Variants in PMF1 observed in about 807,000 individuals in gnomAD.
PMF1 encodes the protein polyamine modulated factor 1, also known as polyamine-modulated factor 1.
A neutral mutation model predicts 26.7 loss-of-function variants in PMF1; 21 were observed. The ratio of observed to expected loss-of-function variants is 0.79; its 90% CI spans 0.56 to 1.13. The LOEUF is 1.13. Among genes scored for constraint, PMF1 ranks in the 50% most tolerant of loss-of-function variants. The pLI is 0.00. For synonymous variants in PMF1, 105 were observed against 101.0 expected, an observed-to-expected ratio of 1.04 and a Z score of -0.24; for missense variants, 266 against 254.9, an observed-to-expected ratio of 1.04 and a Z score of -0.30.
chr1:156,230,178 G>A (rs1658615058), intron 1 of PMF1, among the ~76,000 whole-genome samples: 1 of 151,312 alleles, frequency 6.6e-6, no homozygotes, highest in African/African-American at 2.5e-5. Context: ...CCAGTGGCCC[G>A]CCAGCCTGAT....
At chr1:156,229,576 G>GT (rs57035472) in intron 1 of PMF1, among the ~76,000 whole-genome samples, 7,515 of 147,088 alleles carry the variant, frequency 0.051, 596 homozygotes, top group African/African-American at 0.17. Flanking sequence ...TTTTGTTTTT[G>GT]TTTTTTTTTT....
chr1:156,239,468 C>A, intron 4 of PMF1, 80 bp from the exon 5 acceptor site: 1 of 1,139,278 alleles, frequency 8.8e-7, no homozygotes, highest in South Asian at 1.3e-5. Context: ...AAACCCCAGG[C>A]CTGGAGTCAG....
At chr1:156,219,957 C>T (rs916760026) in intron 1 of PMF1, among the ~76,000 whole-genome samples, 3 of 147,442 alleles carry the variant, frequency 2.0e-5, no homozygotes, top group South Asian at 2.2e-4. Flanking sequence ...GATATGTTGC[C>T]CATGCTGGTC....
chr1:156,224,883 AAAAGACC>A (rs1253388627), intron 1 of PMF1, among the ~76,000 whole-genome samples: 3 of 151,424 alleles, frequency 2.0e-5, no homozygotes, highest in Admixed American at 6.6e-5. Context: ...TGGAGAGAGA[AAAAGACC>A]AAATGGAGAA....
intron 1 of PMF1, among the ~76,000 whole-genome samples, chr1:156,224,148 T>C (rs1476161380): frequency 6.6e-6 from 1 of 152,212 alleles, no homozygotes; most frequent in African/African-American, 2.4e-5. Context: ...CCTAAAGATA[T>C]AATTAGGATT....
intron 1 of PMF1, among the ~76,000 whole-genome samples, chr1:156,230,867 C>T (rs183579383): frequency 1.7e-4 from 25 of 150,326 alleles, no homozygotes; most frequent in Admixed American, 1.6e-3. Flanking sequence ...TTTTTTGAGA[C>T]GAGTCTGGGC....
chr1:156,234,266 G>A (rs1397077428), intron 3 of PMF1, among the ~76,000 whole-genome samples: 1 of 151,968 alleles, frequency 6.6e-6, no homozygotes, highest in Non-Finnish European at 1.5e-5. Context: ...GTTGTTGAGG[G>A]GATTAGGGAG....
intron 1 of PMF1, among the ~76,000 whole-genome samples, chr1:156,222,634 G>A (rs1187651445): frequency 6.6e-6 from 1 of 150,986 alleles, no homozygotes; most frequent in African/African-American, 2.4e-5. Flanking sequence ...TGCCCGCCTC[G>A]GCCTCCCAAA....
intron 2 of PMF1, among the ~76,000 whole-genome samples, chr1:156,233,290 A>T (rs1029182081): frequency 1.3e-5 from 2 of 150,364 alleles, no homozygotes; most frequent in Non-Finnish European, 1.5e-5. Context: ...AGTAGCTGGG[A>T]TGACAGCTGA....
chr1:156,227,927 G>A (rs1558193515), intron 1 of PMF1, among the ~76,000 whole-genome samples: 1 of 145,170 alleles, frequency 6.9e-6, no homozygotes, highest in Non-Finnish European at 1.5e-5. Context: ...CACTGCACCT[G>A]ACTATGATTT....
intron 1 of PMF1, among the ~76,000 whole-genome samples, chr1:156,214,640 G>A (rs1657586718): frequency 6.6e-6 from 1 of 151,958 alleles, no homozygotes; most frequent in Non-Finnish European, 1.5e-5. Context: ...TGCTTTGGGA[G>A]GCTGAGGCAG....
At chr1:156,220,218 C>T (rs990076435) in intron 1 of PMF1, among the ~76,000 whole-genome samples, 1 of 152,096 alleles carries the variant, frequency 6.6e-6, no homozygotes, top group African/African-American at 2.4e-5. Flanking sequence ...TCTGCCTCGG[C>T]CTCCCAAAGT....
intron 3 of PMF1, among the ~76,000 whole-genome samples, chr1:156,234,823 G>A (rs1157354241): frequency 6.6e-6 from 1 of 151,940 alleles, no homozygotes; most frequent in Non-Finnish European, 1.5e-5. Context: ...TACTGTTTTA[G>A]ATGCCAGAAA....
chr1:156,217,063 T>C (rs1331672163), intron 1 of PMF1, among the ~76,000 whole-genome samples: 3 of 149,970 alleles, frequency 2.0e-5, no homozygotes, highest in Non-Finnish European at 4.4e-5. Context: ...AAGGGGAATA[T>C]CACACTCTGG....
chr1:156,214,992 C>T (rs930447842), intron 1 of PMF1, among the ~76,000 whole-genome samples: 3 of 151,826 alleles, frequency 2.0e-5, no homozygotes, highest in Non-Finnish European at 4.4e-5. Context: ...ATTCTCCTCC[C>T]TCAGCCTCCC....
chr1:156,232,515 AC>A (rs1419016151), intron 2 of PMF1, 90 bp downstream of exon 2: 22 of 1,239,576 alleles, frequency 1.8e-5, no homozygotes, highest in Non-Finnish European at 2.4e-5. Context: ...CACCCTCTAC[AC>A]CTCTGTCTCC....
chr1:156,233,526 C>A, intron 2 of PMF1, 102 bp from the exon 3 acceptor site: 1 of 1,189,126 alleles, frequency 8.4e-7, no homozygotes, highest in Admixed American at 2.1e-5. Context: ...AGACCTAGAA[C>A]AGAAATTAGC....
intron 1 of PMF1, among the ~76,000 whole-genome samples, chr1:156,231,082 T>G (rs1658671720): frequency 6.6e-6 from 1 of 151,688 alleles, no homozygotes; most frequent in Non-Finnish European, 1.5e-5. Context: ...CTGGGCGTGG[T>G]GGTGGGCACC....
rs1010423831 is a variant in PMF1 at position 156,236,503 on chromosome 1, T to G, written c.564+20T>G. ...TGGCAGGTCAGTGTCCCAGCCTGCC[T>G]CTTCCTCTTCCTTCTCTAATGGGCC... On this transcript the variant is annotated intron_variant, in intron 4 of 4. Coordinates refer to ENST00000368277, the MANE Select transcript of PMF1 (RefSeq NM_007221.4). 2.5e-6 allele frequency: 4 copies of G among 1,582,756 alleles called. No individual in the cohort carries two copies. In the African/African-American group the frequency reaches 5.4e-5, roughly 21 times the overall value.
Sources: gnomAD v4.1 joint callset for allele counts (sites outside exome capture counted in the v4.1 genomes callset) on GRCh38, gnomAD v4.1.1 for gene constraint, MANE v1.5 for transcripts, NCBI Gene and HGNC (gene_info 2026-07-23, HGNC 2026-07-21) for gene names.